Variants in BTBD9 observed in about 807,000 individuals in gnomAD.
BTBD9 encodes BTB domain containing 9.
In BTBD9, 49 loss-of-function variants were observed where a neutral mutation model predicts 64.3. The observed-to-expected ratio is 0.76, with a 90% CI of 0.61 to 0.97. The LOEUF (loss-of-function observed/expected upper bound fraction) is 0.97. Among genes scored for constraint, BTBD9 ranks in the 50% least tolerant of loss-of-function variants. The pLI, the probability that BTBD9 is intolerant of heterozygous loss-of-function variation, is 0.00. For missense variants in BTBD9, 598 were observed against 762.1 expected, an observed-to-expected ratio of 0.78 and a Z score of 2.53; for synonymous variants, 260 against 274.7, an observed-to-expected ratio of 0.95 and a Z score of 0.53.
intron 6 of BTBD9, among the ~76,000 whole-genome samples, chr6:38,410,956 C>G (rs202022990): frequency 1.3e-5 from 2 of 152,000 alleles, no homozygotes; most frequent in African/African-American, 4.8e-5. Flanking sequence ...CCAGTCCAAC[C>G]TCTCTCTCTT....
At chr6:38,274,692 C>A (rs1462955255) in intron 8 of BTBD9, among the ~76,000 whole-genome samples, 4 of 152,128 alleles carry the variant, frequency 2.6e-5, no homozygotes, top group Non-Finnish European at 5.9e-5. Context: ...TACTGATTTG[C>A]GTATGTTGAA....
intron 6 of BTBD9, among the ~76,000 whole-genome samples, chr6:38,545,576 G>A (rs540878065): frequency 1.3e-4 from 20 of 151,906 alleles, no homozygotes; most frequent in East Asian, 3.9e-4. Flanking sequence ...TCAGGAGATC[G>A]AGACCATCCT....
chr6:38,627,065 A>G (rs1448654963), intron 1 of BTBD9, among the ~76,000 whole-genome samples: 2 of 152,238 alleles, frequency 1.3e-5, no homozygotes, highest in African/African-American at 4.8e-5. Flanking sequence ...AAATCAATGA[A>G]AACTATGCAA....
chr6:38,284,809 C>A (rs538565109), intron 8 of BTBD9, among the ~76,000 whole-genome samples: 1 of 151,822 alleles, frequency 6.6e-6, no homozygotes, highest in South Asian at 2.1e-4. Context: ...GGAGTGGAGC[C>A]TAAAAGGGGG....
intron 6 of BTBD9, among the ~76,000 whole-genome samples, chr6:38,526,461 C>A (rs929411892): frequency 2.7e-5 from 4 of 148,960 alleles, no homozygotes; most frequent in Admixed American, 2.6e-4. Context: ...GGGGTTGGAC[C>A]CCCCTACATG....
chr6:38,614,291 A>C (rs1453059396), intron 1 of BTBD9, among the ~76,000 whole-genome samples: 1 of 152,138 alleles, frequency 6.6e-6, no homozygotes, highest in Non-Finnish European at 1.5e-5. Context: ...CCTTGCTATG[A>C]TTTTGTTACG....
chr6:38,261,108 A>AT (rs879362546), intron 8 of BTBD9, among the ~76,000 whole-genome samples: 92 of 144,300 alleles, frequency 6.4e-4, no homozygotes, highest in South Asian at 2.2e-3. Flanking sequence ...CCCAGCTGAT[A>AT]TTTTTTTTTT....
intron 5 of BTBD9, among the ~76,000 whole-genome samples, chr6:38,579,207 T>G (rs1776183611): frequency 6.6e-6 from 1 of 152,198 alleles, no homozygotes; most frequent in African/African-American, 2.4e-5. Context: ...TGACTCACAC[T>G]TCATAAAGCT....
chr6:38,519,356 A>C (rs1251573597), intron 6 of BTBD9, among the ~76,000 whole-genome samples: 3 of 152,236 alleles, frequency 2.0e-5, no homozygotes, highest in Non-Finnish European at 4.4e-5. Flanking sequence ...GAATTCTATA[A>C]TACCTATGCT....
At chr6:38,288,987 C>T (rs1473787744) in intron 7 of BTBD9, among the ~76,000 whole-genome samples, 1 of 152,114 alleles carries the variant, frequency 6.6e-6, no homozygotes, top group Non-Finnish European at 1.5e-5. Context: ...TTCACTTATA[C>T]AAAGTTTTCA....
chr6:38,266,605 G>GGAAAGAAAGGAAAGAAA (rs1764986797), intron 8 of BTBD9, among the ~76,000 whole-genome samples: 2 of 107,296 alleles, frequency 1.9e-5, no homozygotes, highest in Non-Finnish European at 3.7e-5. Context: ...AGGAAAGAAA[G>GGAAAGAAAGGAAAGAAA]GAAAGAAAGA....
chr6:38,442,661 C>CTTTTTTTTTTTTTTTTTTTTTT (rs11313452), intron 6 of BTBD9, among the ~76,000 whole-genome samples: 1 of 57,538 alleles, frequency 1.7e-5, no homozygotes, highest in Non-Finnish European at 3.0e-5. Context: ...CATTTGTACT[C>CTTTTTTTTTTTTTTTTTTTTTT]TTTTTTTTTT....
At chr6:38,421,596 T>C (rs1180808789) in intron 6 of BTBD9, among the ~76,000 whole-genome samples, 1 of 152,188 alleles carries the variant, frequency 6.6e-6, no homozygotes, top group Admixed American at 6.5e-5. Flanking sequence ...TAAAAGCACA[T>C]GGAGCAGCAG....
At chr6:38,618,290 T>C (rs1306297689) in intron 1 of BTBD9, among the ~76,000 whole-genome samples, 2 of 152,168 alleles carry the variant, frequency 1.3e-5, no homozygotes, top group African/African-American at 4.8e-5. Flanking sequence ...TGGGGAAAAA[T>C]GGCCACCTGA....
chr6:38,598,409 C>T (rs1251145633), intron 1 of BTBD9, among the ~76,000 whole-genome samples: 3 of 152,132 alleles, frequency 2.0e-5, no homozygotes, highest in Non-Finnish European at 2.9e-5. Context: ...ACACAGGTCT[C>T]ATATTCCTTA....
At chr6:38,415,651 C>T (rs1767634602) in intron 6 of BTBD9, among the ~76,000 whole-genome samples, 1 of 152,174 alleles carries the variant, frequency 6.6e-6, no homozygotes, top group Admixed American at 6.5e-5. Flanking sequence ...TATTCAATTA[C>T]TCTCTAAGCA....
At chr6:38,279,840 T>C (rs994749699) in intron 8 of BTBD9, among the ~76,000 whole-genome samples, 2 of 152,174 alleles carry the variant, frequency 1.3e-5, no homozygotes, top group African/African-American at 4.8e-5. Flanking sequence ...GGGGCCGAAA[T>C]CCTCTGTAAA....
At chr6:38,335,908 A>AT (rs1396696544) in intron 7 of BTBD9, among the ~76,000 whole-genome samples, 1 of 151,184 alleles carries the variant, frequency 6.6e-6, no homozygotes, top group Non-Finnish European at 1.5e-5. Context: ...TAATTTTTGT[A>AT]TTTTTTTGTA....
chr6:38,249,089 G>A (rs563313824), intron 9 of BTBD9, among the ~76,000 whole-genome samples: 3 of 152,146 alleles, frequency 2.0e-5, no homozygotes, highest in Non-Finnish European at 4.4e-5. Flanking sequence ...TTAGATACTA[G>A]AGGGCAATAA....
Sources: gnomAD v4.1 joint callset for allele counts (sites outside exome capture counted in the v4.1 genomes callset) on GRCh38, gnomAD v4.1.1 for gene constraint, MANE v1.5 for transcripts, NCBI Gene and HGNC (gene_info 2026-07-23, HGNC 2026-07-21) for gene names.